Variants in CHST6 observed in about 807,000 individuals in gnomAD.
CHST6 encodes the protein N-acetylglucosamine 6-O-sulfotransferase 5.
For missense variants in CHST6, 698 were observed against 586.2 expected (o/e 1.19, Z -1.97); for synonymous variants, 309 against 276.4 (o/e 1.12, Z -1.17).
intron 1 of CHST6, among the ~76,000 whole-genome samples, chr16:75,493,366 G>A (rs770853020): frequency 3.9e-5 from 6 of 151,984 alleles, no homozygotes; most frequent in African/African-American, 2.4e-5. Flanking sequence ...AAAATTAGCC[G>A]GGCGTGGTGG....
chr16:75,478,721 G>C lies in CHST6; in HGVS notation c.1108C>G (p.Leu370Val). 4 of 1,613,590 alleles carry C rather than the reference G, an allele frequency of 2.5e-6. No individual in the cohort carries two copies. Among genetic ancestry groups the C allele is most frequent in the Non-Finnish European group, 3.4e-6 (4 of 1,180,028 alleles). The change falls in exon 3 of 3, where the codon CTC (leucine) becomes GTC (valine). Residue 370 changes from leucine to valine, a missense_variant. Coordinates refer to ENST00000332272, the MANE Select transcript of CHST6 (RefSeq NM_021615.5). ...CGTGGCAGCACCAGATCAAGGGCGA[G>C]GTTGCGCTGCTCGTCCTCAGAGTAC... ...PVYSEDEQRN[L>V]ALDLVLPRGL...
rs1350277286 is a variant in CHST6, at chr16:75,474,078, GGCA to G, written c.*4560_*4562del. On this transcript the variant is annotated 3_prime_UTR_variant, in exon 3 of 3. Coordinates refer to ENST00000332272, the MANE Select transcript of CHST6 (RefSeq NM_021615.5). Reference sequence around the variant, plus strand: ...TAATCCCAGCTACTCGGGAGGCTGAGGCAGGAGAATCGCTTGAAACTGGGAGGC... The same window carrying G: ...TAATCCCAGCTACTCGGGAGGCTGAGGGAGAATCGCTTGAAACTGGGAGGC... 6.6e-6 allele frequency: 1 copy of G among 152,218 alleles called. No individual in the cohort carries two copies. The highest frequency in any genetic ancestry group is 1.5e-5 in the Non-Finnish European group (1 of 68,074). The allele number at this position is 152,218 out of a possible 1,614,324, so 9.4% of individuals were successfully genotyped here. A position where few individuals can be genotyped will look rare whatever the true frequency, so the allele number is the denominator to read the frequency against.
At chr16:75,480,267 G>T (rs2080125507) in intron 2 of CHST6, among the ~76,000 whole-genome samples, 1 of 152,198 alleles carries the variant, frequency 6.6e-6, no homozygotes, top group Admixed American at 6.5e-5. Context: ...TCTGGTGGAT[G>T]TCACAGCACG....
At chr16:75,490,718 AG>A (rs1192136208) in intron 1 of CHST6, 3 of 152,168 alleles carry the variant, frequency 2.0e-5, no homozygotes, top group Admixed American at 1.3e-4. Context: ...AAGGTTGAAT[AG>A]AGTGACCATA....
rs142693302 is a variant in CHST6 at position 75,494,021 on chromosome 16, T to C, written c.-92+919A>G. Among the ~76,000 whole-genome samples the C allele has an allele frequency of 9.0e-3, 1,365 of 152,196 alleles. 19 individuals carry two copies. The highest frequency in any genetic ancestry group is 0.031 in the African/African-American group (1,287 of 41,530). ...CACCATGCCCAGCTTATTTTTGTAT[T>C]TTTAGTAGAGATGGGGTTTCACCAT... On this transcript the variant is annotated intron_variant, in intron 1 of 2. Transcript: ENST00000332272.
Position 75,476,468 on chromosome 16 carries a change from T to C in CHST6, c.*2173A>G, listed in dbSNP as rs1317886723. On this transcript the variant is annotated 3_prime_UTR_variant, in exon 3 of 3. Coordinates refer to ENST00000332272, the MANE Select transcript of CHST6 (RefSeq NM_021615.5). ...CAGGAGGCTGAGGCAGGAGAATTGC[T>C]TGAACTCAGGAGGCAGAGAGAGGCA... 6.8e-6 allele frequency: 1 copy of C among 148,098 alleles called. No individual in the cohort carries two copies. Among genetic ancestry groups the C allele is most frequent in the Non-Finnish European group, 1.5e-5 (1 of 67,490 alleles). 9.2% of individuals were successfully genotyped at this position (148,098 alleles called of 1,614,324 possible). A position where few individuals can be genotyped will look rare whatever the true frequency, so the allele number is the denominator to read the frequency against.
chr16:75,489,392 C>CT (rs1232848834), intron 1 of CHST6, among the ~76,000 whole-genome samples: 2 of 126,870 alleles, frequency 1.6e-5, no homozygotes, highest in African/African-American at 3.2e-5. Flanking sequence ...AAGCAAGACT[C>CT]TGTCTCAAAA....
intron 1 of CHST6, among the ~76,000 whole-genome samples, chr16:75,485,126 G>T (rs899280549): frequency 6.6e-6 from 1 of 152,156 alleles, no homozygotes; most frequent in Non-Finnish European, 1.5e-5. Flanking sequence ...TTCAGGAGGA[G>T]GGTGGAACTA....
At chr16:75,480,195 C>G (rs188252357) in intron 2 of CHST6, among the ~76,000 whole-genome samples, 2 of 152,298 alleles carry the variant, frequency 1.3e-5, no homozygotes, top group East Asian at 3.9e-4. Context: ...AAACGGAATT[C>G]CTGTCTTTTG....
chr16:75,478,934 G>A lies in CHST6; in HGVS notation c.895C>T (p.Leu299Phe). Residue 299 changes from leucine to phenylalanine, a missense_variant, in exon 3 of 3, where the codon CTC becomes TTC. Coordinates refer to ENST00000332272, the MANE Select transcript of CHST6 (RefSeq NM_021615.5). ...AFTGLSLTPQLEAWIHNITHG... is the reference protein window; with the variant it reads ...AFTGLSLTPQFEAWIHNITHG... ...GTGATGTTATGGATCCAGGCCTCGAGCTGTGGCGTGAGACTGAGCCCAGTG... is the reference window on the plus strand; with the variant it reads ...GTGATGTTATGGATCCAGGCCTCGAACTGTGGCGTGAGACTGAGCCCAGTG... 4 of 1,613,132 alleles carry A rather than the reference G, an allele frequency of 2.5e-6. No homozygotes were observed. Among genetic ancestry groups the A allele is most frequent in the Non-Finnish European group, 3.4e-6 (4 of 1,179,960 alleles).
At position 75,479,723 on chromosome 16, in the gene CHST6, C is replaced by T; in HGVS notation, c.106G>A (p.Gly36Ser). ...VSRPGPSSPA[G>S]GEARVHVLVL... The stretch of plus-strand genomic sequence containing the variant: ...AGCACATGCACGCGCGCCTCGCCGC[C>T]TGCTGGGGACGAGGGCCCTGGCCGG... Residue 36 changes from glycine to serine, a missense_variant, in exon 3 of 3, where the codon GGC becomes AGC. Physicochemically the swap from Gly to Ser is moderately conservative, Grantham distance 56 (BLOSUM62 0). Coordinates refer to ENST00000332272, the MANE Select transcript of CHST6 (RefSeq NM_021615.5). 1 of 1,608,100 alleles carries T rather than the reference C, an allele frequency of 6.2e-7. No homozygotes were observed. Among genetic ancestry groups the T allele is most frequent in the Admixed American group, 1.7e-5 (1 of 59,316 alleles).
At chr16:75,485,328 C>T (rs1567412902) in intron 1 of CHST6, among the ~76,000 whole-genome samples, 1 of 152,068 alleles carries the variant, frequency 6.6e-6, no homozygotes, top group African/African-American at 2.4e-5. Flanking sequence ...AGGCCAGGCA[C>T]GGTGGCTCGT....
In CHST6 at chr16:75,477,301, C is replaced by T. The variant is rs2080077028; in HGVS notation, c.*1340G>A. 1 of 152,154 alleles carries T rather than the reference C, an allele frequency of 6.6e-6. No homozygotes were observed. Among genetic ancestry groups the T allele is most frequent in the African/African-American group, 2.4e-5 (1 of 41,422 alleles). The allele number at this position is 152,154 out of a possible 1,614,324, so 9.4% of individuals were successfully genotyped here. ...AAAATGCCAGATCTCCCTTGCCCTGCTTGCTTTGCAGGGAGGATGTGACTC... is the reference window on the plus strand; with the variant it reads ...AAAATGCCAGATCTCCCTTGCCCTGTTTGCTTTGCAGGGAGGATGTGACTC... On this transcript the variant is annotated 3_prime_UTR_variant, in exon 3 of 3. Transcript: ENST00000332272.
At position 75,479,253 on chromosome 16, in the gene CHST6, CGCGGGGTCGCTGAGCAGCG is replaced by C. The variant is rs529839563; in HGVS notation, c.557_575del (p.Pro186ArgfsTer189). 6.2e-7 allele frequency: 1 copy of C among 1,612,314 alleles called. No homozygotes were observed. The highest frequency in any genetic ancestry group is 1.3e-5 in the African/African-American group (1 of 75,034). ...CCAGGTGCACGATGCGTAGGTTGAGCGCGGGGTCGCTGAGCAGCGGGTAGAGCACCTGCAGGTTGAAGAA... is the reference window on the plus strand; with the variant it reads ...CCAGGTGCACGATGCGTAGGTTGAGCGGTAGAGCACCTGCAGGTTGAAGAA... On this transcript the variant is annotated frameshift_variant, in exon 3 of 3. Transcript: ENST00000332272. LOFTEE classifies it low-confidence loss of function (END_TRUNC).
intron 1 of CHST6, among the ~76,000 whole-genome samples, chr16:75,487,877 TC>T (rs1453219012): frequency 6.9e-6 from 1 of 144,706 alleles, no homozygotes; most frequent in Non-Finnish European, 1.5e-5. Context: ...GCACCTGTAA[TC>T]CCAGCTACTC....
intron 1 of CHST6, among the ~76,000 whole-genome samples, chr16:75,491,190 A>AAAAAAAATATAT (rs1206595857): frequency 1.0e-4 from 5 of 50,078 alleles, no homozygotes; most frequent in African/African-American, 2.2e-4. Context: ...AAAAAAAAAA[A>AAAAAAAATATAT]ATATATATAT....
chr16:75,473,389 T>C lies in CHST6; in HGVS notation c.*5252A>G, dbSNP rs1168016077. ...CCTGAACTCTCCTTCTCATGGTCTC[T>C]GCTTGTCCAGCAGGCTGGCCTGGGC... On this transcript the variant is annotated 3_prime_UTR_variant, in exon 3 of 3. Transcript: ENST00000332272. The C allele has an allele frequency of 1.3e-5, 2 of 152,348 alleles. No individual in the cohort carries two copies. The highest frequency in any genetic ancestry group is 2.4e-5 in the African/African-American group (1 of 41,456). The allele number at this position is 152,348 out of a possible 1,614,324, so 9.4% of individuals were successfully genotyped here. A position where few individuals can be genotyped will look rare whatever the true frequency, so the allele number is the denominator to read the frequency against.
At chr16:75,489,124 C>T (rs2080231590) in intron 1 of CHST6, among the ~76,000 whole-genome samples, 1 of 151,076 alleles carries the variant, frequency 6.6e-6, no homozygotes, top group African/African-American at 2.4e-5. Context: ...GGAGGCAGGG[C>T]ATGGTGACTG....
At chr16:75,482,408 C>T (rs897672922) in intron 1 of CHST6, among the ~76,000 whole-genome samples, 1 of 152,074 alleles carries the variant, frequency 6.6e-6, no homozygotes, top group Non-Finnish European at 1.5e-5. Flanking sequence ...ATTAGCCAGG[C>T]GTTGTGGCAC....
Sources: gnomAD v4.1 joint callset for allele counts (sites outside exome capture counted in the v4.1 genomes callset) on GRCh38, gnomAD v4.1.1 for gene constraint, MANE v1.5 for transcripts, NCBI Gene and HGNC (gene_info 2026-07-23, HGNC 2026-07-21) for gene names.